HPCAL1: variants seen among roughly 807,000 people sequenced by gnomAD.
The protein encoded by HPCAL1 is hippocalcin like 1, also known as hippocalcin-like protein 1.
In HPCAL1, 8 loss-of-function variants were observed where a neutral mutation model predicts 17.1. The observed-to-expected ratio is 0.47, with a 90% CI of 0.27 to 0.84. The LOEUF (loss-of-function observed/expected upper bound fraction) is 0.84, where lower values mean the gene tolerates loss of function less well. HPCAL1 is among the 40% of genes least tolerant of loss of function. The pLI is 0.13. For missense variants in HPCAL1, 165 were observed against 271.1 expected, an observed-to-expected ratio of 0.61 and a Z score of 2.75; for synonymous variants, 112 against 111.4, an observed-to-expected ratio of 1.01 and a Z score of -0.03.
intron 1 of HPCAL1, among the ~76,000 whole-genome samples, chr2:10,312,189 CATCATCATCACT>C (rs1558448828): frequency 8.7e-6 from 1 of 115,270 alleles, no homozygotes; most frequent in Non-Finnish European, 1.9e-5. Flanking sequence ...TCACCATCAC[CATCATCATCACT>C]GTCATCATCA....
chr2:10,381,942 A>C (rs1667963373), intron 1 of HPCAL1, among the ~76,000 whole-genome samples: 1 of 152,234 alleles, frequency 6.6e-6, no homozygotes, highest in African/African-American at 2.4e-5. Context: ...AGTTAAAAAA[A>C]CTTATGTCCA....
chr2:10,315,685 T>G (rs1238302680), intron 1 of HPCAL1, among the ~76,000 whole-genome samples: 1 of 152,218 alleles, frequency 6.6e-6, no homozygotes, highest in East Asian at 1.9e-4. Flanking sequence ...AATTCAACAC[T>G]GAGCAAATCT....
chr2:10,390,950 T>TG (rs1437091313), intron 1 of HPCAL1, among the ~76,000 whole-genome samples: 2 of 152,218 alleles, frequency 1.3e-5, no homozygotes, highest in Non-Finnish European at 2.9e-5. Context: ...CCTGAGGGCC[T>TG]GGGGTCCGGC....
chr2:10,422,846 C>A, intron 3 of HPCAL1, 137 bp from the exon 4 acceptor site: 2 of 624,446 alleles, frequency 3.2e-6, no homozygotes, highest in Non-Finnish European at 5.8e-6. Flanking sequence ...ATTCTCCCCA[C>A]TGGGGAAGGG....
At chr2:10,385,786 C>T (rs1198754809) in intron 1 of HPCAL1, among the ~76,000 whole-genome samples, 1 of 152,036 alleles carries the variant, frequency 6.6e-6, no homozygotes, top group Non-Finnish European at 1.5e-5. Flanking sequence ...GCAGCCGAGC[C>T]CCCACATGTT....
intron 1 of HPCAL1, among the ~76,000 whole-genome samples, chr2:10,303,462 G>A (rs939892992): frequency 6.6e-6 from 1 of 152,210 alleles, no homozygotes; most frequent in African/African-American, 2.4e-5. Context: ...CGCAGTTGCT[G>A]GTGGGGAGCG....
chr2:10,425,218 AAGG>A, intron 4 of HPCAL1: 1 of 153,940 alleles, frequency 6.5e-6, no homozygotes, highest in South Asian at 2.0e-4. Flanking sequence ...ACACCTAGCC[AAGG>A]AGATGACCAC....
rs1666613980 is a variant in HPCAL1, at chr2:10,362,984, A to G, written c.-110-33851A>G. 6.6e-6 allele frequency among the ~76,000 whole-genome samples: 1 copy of G among 152,154 alleles called. No homozygotes were observed. Among genetic ancestry groups the G allele is most frequent in the Non-Finnish European group, 1.5e-5 (1 of 68,018 alleles). On this transcript the variant is annotated intron_variant, in intron 1 of 4. Transcript: ENST00000307845. This position sits in a 1 kb window ranked among gnomAD's most constrained non-coding sequence, Gnocchi z 5.0. ...TAGGTGCCCCTTTGATGGTTCTCTCAGTGACTCACGCCTGTAATCTCAGCA... is the reference window on the plus strand; with the variant it reads ...TAGGTGCCCCTTTGATGGTTCTCTCGGTGACTCACGCCTGTAATCTCAGCA...
At chr2:10,381,273 T>A (rs1235558111) in intron 1 of HPCAL1, among the ~76,000 whole-genome samples, 1 of 152,236 alleles carries the variant, frequency 6.6e-6, no homozygotes, top group African/African-American at 2.4e-5. Flanking sequence ...GATGTTACGT[T>A]GTGCTTTGAA....
At chr2:10,422,870 C>T (rs1024445482) in intron 3 of HPCAL1, 113 bp from the exon 4 acceptor site, 5 of 684,600 alleles carry the variant, frequency 7.3e-6, no homozygotes, top group South Asian at 3.6e-5. Context: ...CGAAGGCCAC[C>T]GGGAGCCCCT....
Position 10,407,668 on chromosome 2 carries a change from C to T in HPCAL1, c.-25+10748C>T, listed in dbSNP as rs575443638. 5.9e-5 allele frequency among the ~76,000 whole-genome samples: 9 copies of T among 152,268 alleles called. No individual in the cohort carries two copies. The South Asian group carries it at 1.9e-3, about 32-fold the overall frequency. On this transcript the variant is annotated intron_variant, in intron 2 of 4. Coordinates refer to ENST00000307845, the MANE Select transcript of HPCAL1 (RefSeq NM_002149.4). ...GGTGGGTCCTTGGAGGAGGTTTCCC[C>T]ACGACTGTTGAGCAAGAACATGAAC...
intron 2 of HPCAL1, among the ~76,000 whole-genome samples, chr2:10,399,069 G>A (rs973486076): frequency 6.6e-6 from 1 of 151,808 alleles, no homozygotes; most frequent in East Asian, 1.9e-4. Flanking sequence ...CCGGCAGGTC[G>A]TGCTGAGGCT....
intron 3 of HPCAL1, among the ~76,000 whole-genome samples, chr2:10,420,657 G>A (rs948918602): frequency 3.9e-5 from 6 of 152,218 alleles, no homozygotes; most frequent in Admixed American, 1.3e-4. Context: ...CATCAGGGCC[G>A]GGTGGAGCAC....
intron 1 of HPCAL1, among the ~76,000 whole-genome samples, chr2:10,305,380 C>T (rs1306473756): frequency 6.6e-6 from 1 of 152,176 alleles, no homozygotes; most frequent in African/African-American, 2.4e-5. Flanking sequence ...TTCTGTTTCA[C>T]TTTTGAAAGT....
At chr2:10,399,567 GCCACCA>G (rs1348606223) in intron 2 of HPCAL1, among the ~76,000 whole-genome samples, 7 of 18,418 alleles carry the variant, frequency 3.8e-4, no homozygotes, top group African/African-American at 1.5e-3. Context: ...TACCGCCACC[GCCACCA>G]CCACCGCCAC....
At chr2:10,386,184 C>A (rs1160948625) in intron 1 of HPCAL1, among the ~76,000 whole-genome samples, 1 of 152,202 alleles carries the variant, frequency 6.6e-6, no homozygotes, top group African/African-American at 2.4e-5. Flanking sequence ...CATGTGCCTT[C>A]CATCTTGCCT....
chr2:10,386,765 C>G (rs1357778026), intron 1 of HPCAL1, among the ~76,000 whole-genome samples: 2 of 152,176 alleles, frequency 1.3e-5, no homozygotes, highest in Admixed American at 1.3e-4. Flanking sequence ...CTGGAGCACC[C>G]CCCACCAGCC....
chr2:10,400,813 A>G (rs1345694291), intron 2 of HPCAL1, among the ~76,000 whole-genome samples: 2 of 152,186 alleles, frequency 1.3e-5, no homozygotes, highest in Non-Finnish European at 2.9e-5. Flanking sequence ...GGCAGGCACA[A>G]CTTGGCATTC....
Position 10,358,531 on chromosome 2 carries a change from C to T in HPCAL1, c.-110-38304C>T, listed in dbSNP as rs1187694450. Among the ~76,000 whole-genome samples, 7 of 152,194 alleles carry T rather than the reference C, an allele frequency of 4.6e-5. No individual in the cohort carries two copies. The East Asian group carries it at 1.2e-3, about 25-fold the overall frequency. ...TCCCATCCTGTGCCTATAAAAACCGCGAGAGCCTAGCAGGCACACACAGAA... is the reference window on the plus strand; with the variant it reads ...TCCCATCCTGTGCCTATAAAAACCGTGAGAGCCTAGCAGGCACACACAGAA... On this transcript the variant is annotated intron_variant, in intron 1 of 4. Coordinates refer to ENST00000307845, the MANE Select transcript of HPCAL1 (RefSeq NM_002149.4).
Sources: gnomAD v4.1 joint callset for allele counts (sites outside exome capture counted in the v4.1 genomes callset) on GRCh38, gnomAD v4.1.1 for gene constraint, Gnocchi (gnomAD v3.1) non-coding constraint, MANE v1.5 for transcripts, NCBI Gene and HGNC (gene_info 2026-07-23, HGNC 2026-07-21) for gene names.